Variants in SEL1L3 observed in about 807,000 individuals in gnomAD.
SEL1L3 encodes SEL1L family member 3, also known as protein sel-1 homolog 3.
SEL1L3 carries 76 observed loss-of-function variants against 142.8 expected under a neutral mutation model. That is an observed-to-expected ratio of 0.53 (90% CI 0.44 to 0.64). The LOEUF (loss-of-function observed/expected upper bound fraction) is 0.64. SEL1L3 is among the 30% of genes least tolerant of loss of function. The pLI, the probability that SEL1L3 is intolerant of heterozygous loss-of-function variation, is 0.00. For synonymous variants in SEL1L3, 504 were observed against 519.6 expected (o/e 0.97, Z 0.41); for missense variants, 1,262 against 1,381.7 (o/e 0.91, Z 1.37).
chr4:25,732,955 G>A, the SEL1L3 span, among the ~76,000 whole-genome samples: 944 of 152,072 alleles, frequency 6.2e-3, 7 homozygotes, highest in Middle Eastern at 0.01. Context: ...CATGTTGGCC[G>A]GTATGGTCTC....
intron 23 of SEL1L3, among the ~76,000 whole-genome samples, chr4:25,750,061 C>T (rs1252111176): frequency 6.6e-6 from 1 of 151,912 alleles, no homozygotes; most frequent in African/African-American, 2.4e-5. Context: ...TGGTGAAACC[C>T]TCTCTCTACT....
In SEL1L3 at chr4:25,804,760, T is replaced by C. The variant is rs955837284; in HGVS notation, c.1565-8A>G. 5.7e-6 allele frequency: 9 copies of C among 1,586,856 alleles called. No homozygotes were observed. In the Admixed American group the frequency reaches 6.7e-5, roughly 12 times the overall value. ...CATTTTGGTTCCTTGGCACTGTAAA[T>C]AACACAATTCAGAGCACACACAATT... On this transcript the variant is annotated splice_region_variant and splice_polypyrimidine_tract_variant and intron_variant, in intron 9 of 23. Transcript: ENST00000399878.
intron 16 of SEL1L3, chr4:25,776,650 A>C (rs146881489): frequency 3.1e-6 from 1 of 323,844 alleles, no homozygotes; most frequent in South Asian, 3.2e-5. Flanking sequence ...CTCTACCAAG[A>C]GTTCTAGTAC....
At chr4:25,795,102 T>TG (rs1225579138) in intron 11 of SEL1L3, among the ~76,000 whole-genome samples, 2 of 152,286 alleles carry the variant, frequency 1.3e-5, no homozygotes, top group East Asian at 1.9e-4. Flanking sequence ...GAATGTATGC[T>TG]GGCTTAATAC....
chr4:25,795,947 G>A (rs1485121741), intron 11 of SEL1L3, among the ~76,000 whole-genome samples: 1 of 152,080 alleles, frequency 6.6e-6, no homozygotes, highest in Non-Finnish European at 1.5e-5. Context: ...ATCACTGGGC[G>A]GGTGTGTGGG....
intron 17 of SEL1L3, 120 bp from the exon 18 acceptor site, chr4:25,767,950 A>C: frequency 4.7e-6 from 3 of 639,266 alleles, no homozygotes; most frequent in Non-Finnish European, 8.2e-6. Flanking sequence ...AAACCACAAA[A>C]TCGTGAGTTT....
intron 11 of SEL1L3, among the ~76,000 whole-genome samples, chr4:25,796,655 A>G (rs1162832483): frequency 6.6e-6 from 1 of 151,862 alleles, no homozygotes; most frequent in Non-Finnish European, 1.5e-5. Flanking sequence ...TTAGCCAGGC[A>G]TGGTGGCTCA....
intron 17 of SEL1L3, among the ~76,000 whole-genome samples, chr4:25,768,613 C>CA (rs1404302744): frequency 3.3e-5 from 5 of 152,066 alleles, no homozygotes; most frequent in African/African-American, 1.2e-4. Context: ...GAGATATGTG[C>CA]AAAGATTCTG....
chr4:25,752,957 G>A (rs1717700165), intron 23 of SEL1L3, among the ~76,000 whole-genome samples: 1 of 152,216 alleles, frequency 6.6e-6, no homozygotes, highest in African/African-American at 2.4e-5. Context: ...ACCTCATTTG[G>A]TTATCTCAAC....
At chr4:25,723,982 A>G in the SEL1L3 span, among the ~76,000 whole-genome samples, 2 of 152,232 alleles carry the variant, frequency 1.3e-5, no homozygotes, top group African/African-American at 4.8e-5. Flanking sequence ...TTGCTTTCAC[A>G]AGAGGAATGA....
At chr4:25,785,382 T>G (rs950767479) in intron 13 of SEL1L3, among the ~76,000 whole-genome samples, 7 of 152,170 alleles carry the variant, frequency 4.6e-5, no homozygotes, top group African/African-American at 1.2e-4. Context: ...GGGGCAGAAT[T>G]TGAATCCAGA....
chr4:25,783,246 T>C (rs1245743639), intron 14 of SEL1L3, among the ~76,000 whole-genome samples: 1 of 152,188 alleles, frequency 6.6e-6, no homozygotes, highest in African/African-American at 2.4e-5. Flanking sequence ...AGAGTTTCTG[T>C]TGGGGTCAGG....
At chr4:25,771,086 T>C (rs1406273999) in intron 17 of SEL1L3, among the ~76,000 whole-genome samples, 1 of 152,286 alleles carries the variant, frequency 6.6e-6, no homozygotes, top group Non-Finnish European at 1.5e-5. Context: ...TTGCTCCTAC[T>C]TGTGTTTCAA....
chr4:25,799,371 G>A (rs1713020892), intron 11 of SEL1L3, among the ~76,000 whole-genome samples: 1 of 152,034 alleles, frequency 6.6e-6, no homozygotes, highest in Non-Finnish European at 1.5e-5. Flanking sequence ...TACCATACCT[G>A]GCCTCTAATC....
chr4:25,757,042 C>A, intron 23 of SEL1L3: 1 of 930,120 alleles, frequency 1.1e-6, no homozygotes, highest in Non-Finnish European at 1.4e-6. Context: ...ATGAGGCAGC[C>A]AGATCACCTG....
At chr4:25,725,948 T>G in the SEL1L3 span, among the ~76,000 whole-genome samples, 9,533 of 152,154 alleles carry the variant, frequency 0.063, 569 homozygotes, top group African/African-American at 0.16. Flanking sequence ...GCATCCTGTT[T>G]TATCAGCAGC....
chr4:25,842,395 G>A (rs1478814561), intron 2 of SEL1L3, among the ~76,000 whole-genome samples: 1 of 152,008 alleles, frequency 6.6e-6, no homozygotes, highest in African/African-American at 2.4e-5. Flanking sequence ...AGGGGGAGTC[G>A]GGGCGGAACA....
chr4:25,827,667 C>T (rs951555071), intron 6 of SEL1L3, among the ~76,000 whole-genome samples: 3 of 152,220 alleles, frequency 2.0e-5, no homozygotes, highest in South Asian at 2.1e-4. Flanking sequence ...TGCCTCACCC[C>T]GGCCCCAGCC....
At chr4:25,857,390 T>A (rs1717336863) in intron 1 of SEL1L3, among the ~76,000 whole-genome samples, 1 of 152,214 alleles carries the variant, frequency 6.6e-6, no homozygotes. Flanking sequence ...TCTTCCCAAC[T>A]TACATCACAC....
Sources: allele counts gnomAD v4.1 joint callset (sites outside exome capture counted in the v4.1 genomes callset), GRCh38; gene constraint gnomAD v4.1.1; transcripts MANE v1.5; gene names NCBI Gene and HGNC (gene_info 2026-07-23, HGNC 2026-07-21).